Variants in ANKS1B observed in about 807,000 individuals in gnomAD.
ANKS1B encodes ankyrin repeat and sterile alpha motif domain-containing protein 1B.
ANKS1B carries 36 observed loss-of-function variants against 148.3 expected under a neutral mutation model. That is an observed-to-expected ratio of 0.24 (90% confidence interval 0.19 to 0.32). ANKS1B has a LOEUF of 0.32. ANKS1B is among the 10% of genes least tolerant of loss of function. ANKS1B has a pLI of 1.00. For synonymous variants in ANKS1B, 542 were observed against 560.8 expected (o/e 0.97, Z 0.47); for missense variants, 1,157 against 1,542.6 (o/e 0.75, Z 4.19).
intron 1 of ANKS1B, among the ~76,000 whole-genome samples, chr12:99,935,459 A>T (rs1437423861): frequency 6.6e-6 from 1 of 152,054 alleles, no homozygotes; most frequent in African/African-American, 2.4e-5. Flanking sequence ...TCCTCTACAC[A>T]GGGTCTCACA....
chr12:99,666,855 G>T (rs1244521117), intron 8 of ANKS1B, among the ~76,000 whole-genome samples: 2 of 111,868 alleles, frequency 1.8e-5, no homozygotes, highest in Non-Finnish European at 3.6e-5. Context: ...TAGTTACTAT[G>T]GGGTGTGTGT....
At chr12:99,743,994 A>G (rs768920766) in intron 8 of ANKS1B, among the ~76,000 whole-genome samples, 6 of 152,224 alleles carry the variant, frequency 3.9e-5, no homozygotes, top group Non-Finnish European at 7.3e-5. Context: ...GAAAGATATT[A>G]AAATACAGCT....
intron 9 of ANKS1B, among the ~76,000 whole-genome samples, chr12:99,541,077 A>G (rs2097121403): frequency 6.6e-6 from 1 of 152,184 alleles, no homozygotes; most frequent in South Asian, 2.1e-4. Context: ...AAGAAAAAAT[A>G]AAAATATCTG....
intron 10 of ANKS1B, among the ~76,000 whole-genome samples, chr12:99,499,974 A>C (rs2096639900): frequency 6.6e-6 from 1 of 152,056 alleles, no homozygotes; most frequent in Non-Finnish European, 1.5e-5. Flanking sequence ...AGTGCCTGTC[A>C]AGCCAAAAGG....
chr12:99,290,878 T>C (rs184683148), intron 12 of ANKS1B, among the ~76,000 whole-genome samples: 5 of 152,126 alleles, frequency 3.3e-5, no homozygotes, highest in Non-Finnish European at 4.4e-5. Flanking sequence ...GACAAGGATG[T>C]CCTCTTTCAC....
At chr12:99,547,439 T>G (rs17029595) in intron 9 of ANKS1B, among the ~76,000 whole-genome samples, 2,064 of 152,206 alleles carry the variant, frequency 0.014, 53 homozygotes, top group African/African-American at 0.047. Flanking sequence ...TATAGGAACT[T>G]AAACACCCAG....
intron 10 of ANKS1B, among the ~76,000 whole-genome samples, chr12:99,497,726 T>C (rs1221234722): frequency 1.3e-5 from 2 of 150,684 alleles, no homozygotes; most frequent in Non-Finnish European, 1.5e-5. Flanking sequence ...TAAAGTACTA[T>C]AGGTTAGGAT....
At chr12:99,230,331 TATGTTAGCAG>T (rs1232207657) in intron 14 of ANKS1B, among the ~76,000 whole-genome samples, 2 of 152,100 alleles carry the variant, frequency 1.3e-5, no homozygotes, top group Non-Finnish European at 1.5e-5. Flanking sequence ...TCATGGGAAG[TATGTTAGCAG>T]ATGTTAGTTG....
intron 17 of ANKS1B, among the ~76,000 whole-genome samples, chr12:98,883,517 C>A (rs1299079601): frequency 6.6e-6 from 1 of 152,150 alleles, no homozygotes; most frequent in East Asian, 1.9e-4. Flanking sequence ...GAATCCAAAC[C>A]CCATAGCTTA....
At position 99,794,147 on chromosome 12, in the gene ANKS1B, C is replaced by T. The variant is rs190732609; in HGVS notation, c.670-12050G>A. The stretch of plus-strand genomic sequence containing the variant: ...TGTCACCTCACCCCAGTTAAAATGG[C>T]TTTTATCCAAATGTTAAGCAATAAC... On this transcript the variant is annotated intron_variant, in intron 4 of 26. Transcript: ENST00000683438. Among the ~76,000 whole-genome samples the T allele has an allele frequency of 4.2e-4, 64 of 152,054 alleles. No individual in the cohort carries two copies. The East Asian group carries it at 0.011, about 27-fold the overall frequency.
chr12:99,005,629 G>C (rs2153386471), intron 17 of ANKS1B, among the ~76,000 whole-genome samples: 1 of 152,250 alleles, frequency 6.6e-6, no homozygotes, highest in South Asian at 2.1e-4. Context: ...CTTGTAACCT[G>C]CATGCGCTTT....
chr12:99,654,559 G>A (rs2153443916), intron 9 of ANKS1B, among the ~76,000 whole-genome samples: 1 of 152,242 alleles, frequency 6.6e-6, no homozygotes, highest in South Asian at 2.1e-4. Context: ...CTTAATGATA[G>A]TGAAATGACT....
chr12:98,908,449 T>C (rs184902451), intron 17 of ANKS1B, among the ~76,000 whole-genome samples: 2 of 152,276 alleles, frequency 1.3e-5, no homozygotes, highest in East Asian at 3.9e-4. Context: ...ATATACAAGG[T>C]AGGGTTTATA....
chr12:99,054,702 C>G (rs920120673), intron 16 of ANKS1B, among the ~76,000 whole-genome samples: 3 of 152,086 alleles, frequency 2.0e-5, no homozygotes, highest in African/African-American at 7.2e-5. Flanking sequence ...CCAAGCCTGG[C>G]TAATTTTTGT....
chr12:99,273,247 A>G lies in ANKS1B; in HGVS notation c.1757-26383T>C, dbSNP rs192112457. On this transcript the variant is annotated intron_variant, in intron 12 of 26. Coordinates refer to ENST00000683438, the MANE Select transcript of ANKS1B (RefSeq NM_001352186.2). Reference sequence around the variant, plus strand: ...CTTATGCCTGCTTTCTGTTCATAAAAGCTCAGGGGCCCAAAGGTCTCTTAA... The same window carrying G: ...CTTATGCCTGCTTTCTGTTCATAAAGGCTCAGGGGCCCAAAGGTCTCTTAA... Among the ~76,000 whole-genome samples, 8 of 152,308 alleles carry G rather than the reference A, an allele frequency of 5.3e-5. No individual in the cohort carries two copies. The East Asian group carries it at 1.5e-3, about 29-fold the overall frequency.
At chr12:99,741,206 AACACACACACACACACAC>A (rs774613671) in intron 8 of ANKS1B, among the ~76,000 whole-genome samples, 1 of 135,338 alleles carries the variant, frequency 7.4e-6, no homozygotes, top group African/African-American at 2.8e-5. Flanking sequence ...GGCTCCGTCA[AACACACACACACACACAC>A]ACACACACAC....
intron 15 of ANKS1B, among the ~76,000 whole-genome samples, chr12:99,137,140 C>T (rs1210911637): frequency 6.6e-6 from 1 of 152,186 alleles, no homozygotes; most frequent in East Asian, 1.9e-4. Flanking sequence ...GACTTCAGCT[C>T]CAAATACTGC....
At chr12:99,557,086 C>T (rs1388200167) in intron 9 of ANKS1B, among the ~76,000 whole-genome samples, 4 of 152,174 alleles carry the variant, frequency 2.6e-5, no homozygotes, top group Admixed American at 6.5e-5. Context: ...TCCCTTTTCT[C>T]TAGCTGCCTT....
chr12:99,357,494 C>A (rs1233989754), intron 12 of ANKS1B, among the ~76,000 whole-genome samples: 2 of 152,070 alleles, frequency 1.3e-5, no homozygotes, highest in Non-Finnish European at 2.9e-5. Context: ...ATAGTACCTG[C>A]CTCATCTGGG....
Sources: allele counts gnomAD v4.1 joint callset (sites outside exome capture counted in the v4.1 genomes callset), GRCh38; gene constraint gnomAD v4.1.1; transcripts MANE v1.5; gene names NCBI Gene and HGNC (gene_info 2026-07-23, HGNC 2026-07-21).